Variants in CHST11 observed in about 807,000 individuals in gnomAD.
CHST11 encodes the protein C4S-1.
A neutral mutation model predicts 30.4 loss-of-function variants in CHST11; 9 were observed. The ratio of observed to expected loss-of-function variants is 0.30; its 90% CI spans 0.18 to 0.52. The LOEUF (loss-of-function observed/expected upper bound fraction) is 0.52, where lower values mean the gene tolerates loss of function less well. CHST11 is among the 20% of genes least tolerant of loss of function. The probability of loss-of-function intolerance (pLI) is 0.97; values close to 1 mark genes in which losing one functional copy is unlikely to be tolerated. For synonymous variants in CHST11, 152 were observed against 187.8 expected (o/e 0.81, Z 1.56); for missense variants, 348 against 460.6 (o/e 0.76, Z 2.24).
chr12:104,747,560 C>A (rs551789571), intron 2 of CHST11, among the ~76,000 whole-genome samples: 1 of 152,234 alleles, frequency 6.6e-6, no homozygotes, highest in East Asian at 1.9e-4. Flanking sequence ...AAAGAAACGT[C>A]ATATAATCAG....
intron 1 of CHST11, among the ~76,000 whole-genome samples, chr12:104,585,079 A>G (rs1006189096): frequency 2.6e-5 from 4 of 152,242 alleles, no homozygotes; most frequent in Admixed American, 2.6e-4. Context: ...TGGAAATGAA[A>G]TAGGGGTTTT....
chr12:104,633,177 A>G (rs1387309997), intron 2 of CHST11, among the ~76,000 whole-genome samples: 1 of 152,184 alleles, frequency 6.6e-6, no homozygotes. Flanking sequence ...GGAAATATTC[A>G]GCTGCTCCTG....
Position 104,757,063 on chromosome 12 carries a change from C to T in CHST11, c.319C>T (p.Leu107=). 6.2e-7 allele frequency: 1 copy of T among 1,614,180 alleles called. No individual in the cohort carries two copies. The highest frequency in any genetic ancestry group is 8.5e-7 in the Non-Finnish European group (1 of 1,180,042). ...GCGGAGGGTGCTGACCCCCAACGAC[C>T]TGAAGCACTTGGTGGTGGATGAGGA... The part of the protein sequence containing the change: ...RKRRVLTPND[L]KHLVVDEDHE... Residue 107 remains leucine (L), a synonymous_variant, in exon 3 of 3, where the codon CTG becomes TTG. Transcript: ENST00000303694. The surrounding 1 kb of genome is among the most constrained non-coding windows in gnomAD (Gnocchi z 6.5).
At chr12:104,670,899 C>T (rs951082605) in intron 2 of CHST11, among the ~76,000 whole-genome samples, 3 of 152,046 alleles carry the variant, frequency 2.0e-5, no homozygotes, top group African/African-American at 7.2e-5. Flanking sequence ...CACATACATA[C>T]ATGCACATAC....
intron 1 of CHST11, among the ~76,000 whole-genome samples, chr12:104,527,248 TCC>T (rs2038135593): frequency 6.6e-6 from 1 of 152,190 alleles, no homozygotes; most frequent in African/African-American, 2.4e-5. Context: ...TCTTCCAGCC[TCC>T]AGAACTGTGA....
At chr12:104,537,936 T>A (rs2038253507) in intron 1 of CHST11, among the ~76,000 whole-genome samples, 1 of 152,166 alleles carries the variant, frequency 6.6e-6, no homozygotes, top group Non-Finnish European at 1.5e-5. Context: ...GCTCAAGCGA[T>A]CCTCCCACCT....
intron 1 of CHST11, among the ~76,000 whole-genome samples, chr12:104,532,309 T>G (rs951002992): frequency 6.6e-6 from 1 of 152,102 alleles, no homozygotes; most frequent in Non-Finnish European, 1.5e-5. Context: ...AGCCCTTTTG[T>G]GATGATTCCC....
intron 1 of CHST11, among the ~76,000 whole-genome samples, chr12:104,535,717 T>A (rs941355772): frequency 1.3e-5 from 2 of 152,222 alleles, no homozygotes; most frequent in Non-Finnish European, 2.9e-5. Context: ...TTGTTTGTGA[T>A]GACATTCATT....
intron 2 of CHST11, among the ~76,000 whole-genome samples, chr12:104,689,034 C>A (rs2039873595): frequency 6.6e-6 from 1 of 152,168 alleles, no homozygotes; most frequent in South Asian, 2.1e-4. Flanking sequence ...TGATACAATT[C>A]TTTCTATATA....
intron 2 of CHST11, among the ~76,000 whole-genome samples, chr12:104,663,231 C>T (rs1002759558): frequency 6.6e-6 from 1 of 152,214 alleles, no homozygotes; most frequent in African/African-American, 2.4e-5. Flanking sequence ...CATCTCGTGA[C>T]GTTCTACTGA....
At chr12:104,603,071 T>C (rs1294078998) in intron 2 of CHST11, among the ~76,000 whole-genome samples, 2 of 152,184 alleles carry the variant, frequency 1.3e-5, no homozygotes, top group African/African-American at 4.8e-5. Context: ...AATTGCCAAG[T>C]CAGTATTGCC....
At chr12:104,577,733 C>T (rs972261213) in intron 1 of CHST11, among the ~76,000 whole-genome samples, 2 of 152,102 alleles carry the variant, frequency 1.3e-5, no homozygotes, top group Admixed American at 6.5e-5. Context: ...ATGTGTGTGT[C>T]GGGTAAGGGC....
Position 104,601,951 on chromosome 12 carries a change from G to A in CHST11, c.164G>A (p.Gly55Glu). The A allele has an allele frequency of 6.2e-7, 1 of 1,614,040 alleles. No individual in the cohort carries two copies. The highest frequency in any genetic ancestry group is 8.5e-7 in the Non-Finnish European group (1 of 1,180,000). Residue 55 changes from glycine (G) to glutamate (E), a missense_variant, in exon 2 of 3, where the codon GGG becomes GAG. By Grantham distance (98) the Gly-to-Glu change is moderately conservative. Transcript: ENST00000303694. ...GGTGTGGACATCTGCTGCCGGAAGG[G>A]GTCCCGAAGCCCCCTGCAGGAACTC... The part of the protein sequence containing the change: ...PFGVDICCRK[G>E]SRSPLQELYN...
chr12:104,545,367 A>G (rs773137383), intron 1 of CHST11, among the ~76,000 whole-genome samples: 9 of 152,216 alleles, frequency 5.9e-5, no homozygotes, highest in Non-Finnish European at 1.3e-4. Context: ...GACTTGATCA[A>G]TCATTTCGGC....
intron 2 of CHST11, among the ~76,000 whole-genome samples, chr12:104,649,395 T>C (rs2039470431): frequency 6.6e-6 from 1 of 152,206 alleles, no homozygotes; most frequent in African/African-American, 2.4e-5. Flanking sequence ...ATTTCTAATC[T>C]TTACAGCCAA....
At chr12:104,557,023 A>G (rs1197109921) in intron 1 of CHST11, among the ~76,000 whole-genome samples, 1 of 151,808 alleles carries the variant, frequency 6.6e-6, no homozygotes, top group African/African-American at 2.4e-5. Context: ...TTGTAAGGAC[A>G]CCAGTCATTG....
intron 2 of CHST11, among the ~76,000 whole-genome samples, chr12:104,647,028 A>G (rs569427669): frequency 5.3e-5 from 8 of 152,358 alleles, no homozygotes; most frequent in African/African-American, 1.9e-4. Flanking sequence ...TCATTCTCAC[A>G]TACACTTTTA....
At chr12:104,628,670 C>T (rs548009534) in intron 2 of CHST11, among the ~76,000 whole-genome samples, 2 of 152,288 alleles carry the variant, frequency 1.3e-5, no homozygotes, top group African/African-American at 2.4e-5. Context: ...TCCAGCCCTC[C>T]AGGCCTTGGT....
At chr12:104,467,343 G>A (rs2037469527) in intron 1 of CHST11, among the ~76,000 whole-genome samples, 1 of 152,164 alleles carries the variant, frequency 6.6e-6, no homozygotes, top group South Asian at 2.1e-4. Flanking sequence ...ACAAAAAATG[G>A]GAAGTCTGAT....
Sources: gnomAD v4.1 joint callset for allele counts (sites outside exome capture counted in the v4.1 genomes callset) on GRCh38, gnomAD v4.1.1 for gene constraint, Gnocchi (gnomAD v3.1) non-coding constraint, MANE v1.5 for transcripts, NCBI Gene and HGNC (gene_info 2026-07-23, HGNC 2026-07-21) for gene names.